Variants in ELK1 observed in about 807,000 individuals in gnomAD.
ELK1 encodes the protein ETS domain-containing protein Elk-1.
For synonymous variants in ELK1, 163 were observed against 176.3 expected (o/e 0.92, Z 0.60); for missense variants, 254 against 381.5 (o/e 0.67, Z 2.78).
chrX:47,644,477 G>T (rs1456258474), intron 2 of ELK1, among the ~76,000 whole-genome samples: 1 of 111,178 alleles, frequency 9.0e-6, no homozygotes, highest in Non-Finnish European at 1.9e-5. Context: ...GAGAAAAAAG[G>T]CAAACATGTA....
intron 2 of ELK1, among the ~76,000 whole-genome samples, chrX:47,648,591 C>A (rs1347392463): frequency 8.9e-6 from 1 of 112,143 alleles, no homozygotes; most frequent in Non-Finnish European, 1.9e-5. Flanking sequence ...GTGTTCAAGG[C>A]ACAAAGAACA....
At chrX:47,641,588 C>T in intron 2 of ELK1, 113 bp from the exon 3 acceptor site, 1 of 570,975 alleles carries the variant, frequency 1.8e-6, no homozygotes, top group South Asian at 3.0e-5. Context: ...TCAAACCCTA[C>T]CATCATTCCC....
chrX:47,637,798 C>T lies in ELK1; in HGVS notation c.1039G>A (p.Ala347Thr). The change falls in exon 5 of 7, where the codon GCT becomes ACT. Residue 347 changes from alanine to threonine, a missense_variant. Transcript: ENST00000376983. The stretch of plus-strand genomic sequence containing the variant: ...GATGGGGTCAGCGCCGGCCCCGGAG[C>T]CTGGAGGCCGGAGCCACTTCCCGAT... Reference protein sequence around the residue: ...PGSGSGSGLQAPGPALTPSLL... With the variant: ...PGSGSGSGLQTPGPALTPSLL... 1 of 1,195,893 alleles carries T rather than the reference C, an allele frequency of 8.4e-7. No individual in the cohort carries two copies. The highest frequency in any genetic ancestry group is 1.1e-6 in the Non-Finnish European group (1 of 886,768).
chrX:47,638,185 G>A lies in ELK1; in HGVS notation c.655-3C>T, dbSNP rs1364618127. The A allele has an allele frequency of 8.3e-7, 1 of 1,207,284 alleles. No individual in the cohort carries two copies. The highest frequency in any genetic ancestry group is 1.8e-5 in the South Asian group (1 of 56,231). On this transcript the variant is annotated splice_polypyrimidine_tract_variant and splice_region_variant and intron_variant, in intron 4 of 6. Transcript: ENST00000376983. ...GCCTCGGGCGGGGTCAGGATGACCT[G>A]GTAGAGGAGCAGGCACAAAGAGGGT...
chrX:47,647,167 T>G (rs1263879345), intron 2 of ELK1, among the ~76,000 whole-genome samples: 2 of 103,338 alleles, frequency 1.9e-5, no homozygotes, highest in Admixed American at 1.0e-4. Context: ...TGGGTTTTTT[T>G]TTTTTTTTTT....
chrX:47,641,331 C>T lies in ELK1; in HGVS notation c.111G>A (p.Val37=), dbSNP rs144351577. The change falls in exon 3 of 7, where the codon GTG becomes GTA. Residue 37 remains valine, a synonymous_variant. Transcript: ENST00000376983. ...ACAGCCGGGCCACCTCCTCTGCATC[C>T]ACCAGCTTGAATTCACCACCATCCC... ...TSRDGGEFKL[V]DAEEVARLWG... 3.3e-6 allele frequency: 4 copies of T among 1,210,181 alleles called. No individual in the cohort carries two copies. Among genetic ancestry groups the T allele is most frequent in the Non-Finnish European group, 4.5e-6 (4 of 895,315 alleles).
intron 2 of ELK1, among the ~76,000 whole-genome samples, chrX:47,642,040 G>A (rs1046407874): frequency 8.9e-6 from 1 of 111,922 alleles, no homozygotes; most frequent in Non-Finnish European, 1.9e-5. Flanking sequence ...GGAGGAAGGA[G>A]GCTCAGAATC....
intron 2 of ELK1, among the ~76,000 whole-genome samples, chrX:47,643,316 T>C (rs748713053): frequency 8.9e-6 from 1 of 112,201 alleles, no homozygotes; most frequent in African/African-American, 3.2e-5. Context: ...CAATACCTAG[T>C]TCACAGAGAT....
chrX:47,649,760 A>G lies in ELK1; in HGVS notation c.-35+161T>C, dbSNP rs1041091845. Among the ~76,000 whole-genome samples, 12 of 102,264 alleles carry G rather than the reference A, an allele frequency of 1.2e-4. No individual in the cohort carries two copies. The Admixed American group carries it at 1.3e-3, about 11-fold the overall frequency. The allele number at this position is 102,264 out of a possible 115,157, so 88.8% of individuals were successfully genotyped here. A position where few individuals can be genotyped will look rare whatever the true frequency, so the allele number is the denominator to read the frequency against. ...GTCTACGAAAAAGAGGAGACAGGGC[A>G]ATGGACTGATAGCTAAAGGGACGTG... On this transcript the variant is annotated intron_variant, in intron 2 of 6. Transcript: ENST00000376983.
intron 2 of ELK1, among the ~76,000 whole-genome samples, chrX:47,644,500 A>G (rs2742917): frequency 0.34 from 37,393 of 109,329 alleles, 5,302 homozygotes; most frequent in African/African-American, 0.51. Context: ...AGAGTGCGTC[A>G]GATGGTGGTA....
Position 47,639,341 on chromosome X carries a change from A to G in ELK1, c.211-3T>C. The G allele has an allele frequency of 8.4e-7, 1 of 1,186,198 alleles. No individual in the cohort carries two copies. On this transcript the variant is annotated splice_polypyrimidine_tract_variant and splice_region_variant and intron_variant, in intron 3 of 6. Coordinates refer to ENST00000376983, the MANE Select transcript of ELK1 (RefSeq NM_001114123.3). ...CCGCTCACCTTGCGGATGATGTTCT[A>G]GGAAGGGAGGAGAGGAACAGAGGGC...
intron 2 of ELK1, among the ~76,000 whole-genome samples, chrX:47,641,699 T>C (rs922945762): frequency 4.5e-5 from 5 of 112,117 alleles, no homozygotes; most frequent in African/African-American, 9.7e-5. Flanking sequence ...TGAATGTATT[T>C]TGAATGTGAA....
Position 47,636,688 on chromosome X carries a change from G to A in ELK1, c.*141C>T, listed in dbSNP as rs1257607308. ...GAGATAATGAGAGTTACTCTTGGGAGTAATTCTTCCCAAGGATCCCCACCC... is the reference window on the plus strand; with the variant it reads ...GAGATAATGAGAGTTACTCTTGGGAATAATTCTTCCCAAGGATCCCCACCC... On this transcript the variant is annotated 3_prime_UTR_variant, in exon 7 of 7. Coordinates refer to ENST00000376983, the MANE Select transcript of ELK1 (RefSeq NM_001114123.3). 5 of 554,362 alleles carry A rather than the reference G, an allele frequency of 9.0e-6. No homozygotes were observed. Among genetic ancestry groups the A allele is most frequent in the Non-Finnish European group, 1.4e-5 (5 of 354,559 alleles). 45.7% of individuals were successfully genotyped at this position (554,362 alleles called of 1,213,427 possible).
chrX:47,647,312 C>T (rs1251412846), intron 2 of ELK1, among the ~76,000 whole-genome samples: 5 of 110,040 alleles, frequency 4.5e-5, no homozygotes, highest in Non-Finnish European at 5.7e-5. Flanking sequence ...AGGCGCACGC[C>T]GCCACACCCA....
In ELK1 at chrX:47,637,969, C is replaced by T; in HGVS notation, c.868G>A (p.Val290Ile). ...CCCGCCTGCCCTGCGGTGTCCATAA[C>T]AACCGCGGGCAGCCGGGCTGGCACG... ...EGVPARLPAV[V>I]MDTAGQAGGH... The change falls in exon 5 of 7, where the codon GTT becomes ATT. Residue 290 changes from valine to isoleucine, a missense_variant. By Grantham distance (29) the Val-to-Ile change is conservative. Coordinates refer to ENST00000376983, the MANE Select transcript of ELK1 (RefSeq NM_001114123.3). 1.7e-6 allele frequency: 2 copies of T among 1,200,185 alleles called. No individual in the cohort carries two copies. The highest frequency in any genetic ancestry group is 4.4e-5 in the Admixed American group (2 of 45,700).
chrX:47,643,250 A>G (rs1402110923), intron 2 of ELK1, among the ~76,000 whole-genome samples: 4 of 111,788 alleles, frequency 3.6e-5, no homozygotes, highest in African/African-American at 1.3e-4. Flanking sequence ...TTGTACCTCA[A>G]TTTTCTCATG....
rs138594592 is a variant in ELK1, at chrX:47,641,081, C to G, written c.210+151G>C. 754 of 634,439 alleles carry G rather than the reference C, an allele frequency of 1.2e-3. 2 individuals are homozygous for G. The African/African-American group carries it at 0.015, about 12-fold the overall frequency. 52.3% of individuals were successfully genotyped at this position (634,439 alleles called of 1,213,427 possible). A position where few individuals can be genotyped will look rare whatever the true frequency, so the allele number is the denominator to read the frequency against. On this transcript the variant is annotated intron_variant, in intron 3 of 6. Transcript: ENST00000376983. ...AGTAGGTGAGATAGTGTTTAGGGGCCCAATACTGGTCTTAGGGTACCAATG... is the reference window on the plus strand; with the variant it reads ...AGTAGGTGAGATAGTGTTTAGGGGCGCAATACTGGTCTTAGGGTACCAATG...
intron 2 of ELK1, among the ~76,000 whole-genome samples, chrX:47,645,149 G>C (rs1219794243): frequency 9.0e-6 from 1 of 111,018 alleles, no homozygotes; most frequent in Admixed American, 9.5e-5. Context: ...CCTTGCAGGA[G>C]AGTAAGTTTT....
chrX:47,639,176 C>G lies in ELK1; in HGVS notation c.373G>C (p.Asp125His), dbSNP rs201738800. 3 of 1,207,797 alleles carry G rather than the reference C, an allele frequency of 2.5e-6. No individual in the cohort carries two copies. The highest frequency in any genetic ancestry group is 1.7e-5 in the African/African-American group (1 of 57,414). The change falls in exon 4 of 7, where the codon GAC becomes CAC. Residue 125 changes from aspartate to histidine, a missense_variant. Coordinates refer to ENST00000376983, the MANE Select transcript of ELK1 (RefSeq NM_001114123.3). The part of the protein sequence containing the change: ...APAAIHAAPG[D>H]TVSGKPGTPK... ...GTGCCTGGCTTTCCAGAGACAGTGT[C>G]CCCTGGGGCGGCATGTATAGCAGCA... is the stretch of plus-strand genomic sequence containing the variant.
Sources: allele counts gnomAD v4.1 joint callset (sites outside exome capture counted in the v4.1 genomes callset), GRCh38; gene constraint gnomAD v4.1.1; transcripts MANE v1.5; gene names NCBI Gene and HGNC (gene_info 2026-07-23, HGNC 2026-07-21).